Variants in CCDC7 observed in about 807,000 individuals in gnomAD.
CCDC7 encodes the protein coiled-coil domain containing 7.
A neutral mutation model predicts 196.9 loss-of-function variants in CCDC7; 183 were observed. That is an observed-to-expected ratio of 0.93 (90% confidence interval 0.82 to 1.05). The LOEUF is 1.05. CCDC7 is among the 50% of genes least tolerant of loss of function. CCDC7 has a pLI of 0.00. For synonymous variants in CCDC7, 525 were observed against 484.6 expected (o/e 1.08, Z -1.10); for missense variants, 1,540 against 1,482.2 (o/e 1.04, Z -0.64).
At chr10:32,584,126 G>A (rs2059003986) in intron 17 of CCDC7, 106 bp from the exon 19 acceptor site, 1 of 448,866 alleles carries the variant, frequency 2.2e-6, no homozygotes, top group East Asian at 3.9e-5. Context: ...GTAGATGAGA[G>A]CAAAAAGCTA....
At chr10:32,585,275 G>A (rs17585206) in intron 18 of CCDC7, among the ~76,000 whole-genome samples, 95 of 152,144 alleles carry the variant, frequency 6.2e-4, no homozygotes, top group African/African-American at 1.6e-3. Flanking sequence ...GGGTTTCACC[G>A]TGTTAGACAG....
chr10:32,623,341 G>A (rs934043097), intron 18 of CCDC7, among the ~76,000 whole-genome samples: 68 of 151,854 alleles, frequency 4.5e-4, no homozygotes, highest in African/African-American at 1.5e-3. Flanking sequence ...TTTTATTTTT[G>A]TATTTGATAT....
chr10:32,535,057 G>A (rs1448539211), intron 11 of CCDC7, among the ~76,000 whole-genome samples: 1 of 151,452 alleles, frequency 6.6e-6, no homozygotes, highest in African/African-American at 2.4e-5. Context: ...ATGTGAGGAG[G>A]GGCATCATGG....
intron 8 of CCDC7, among the ~76,000 whole-genome samples, chr10:32,477,360 G>A (rs1010843421): frequency 6.6e-6 from 1 of 151,872 alleles, no homozygotes; most frequent in Non-Finnish European, 1.5e-5. Flanking sequence ...GCGCCACCAC[G>A]CCCGGCTAAT....
intron 24 of CCDC7, among the ~76,000 whole-genome samples, chr10:32,698,030 C>T (rs1276144800): frequency 6.6e-6 from 1 of 152,202 alleles, no homozygotes; most frequent in African/African-American, 2.4e-5. Flanking sequence ...ATTTGCTGTT[C>T]TGCAGCCTCC....
intron 13 of CCDC7, among the ~76,000 whole-genome samples, chr10:32,562,759 C>T (rs2055976168): frequency 1.3e-5 from 2 of 152,086 alleles, no homozygotes; most frequent in East Asian, 1.9e-4. Flanking sequence ...TGCCCTCTCT[C>T]ACCACTCCTA....
chr10:32,551,980 T>C (rs1188734382), intron 13 of CCDC7, among the ~76,000 whole-genome samples: 1 of 152,168 alleles, frequency 6.6e-6, no homozygotes, highest in East Asian at 1.9e-4. Context: ...TGGCCTGTCT[T>C]GTACTGTCAG....
intron 13 of CCDC7, among the ~76,000 whole-genome samples, chr10:32,558,844 G>A (rs149514498): frequency 0.042 from 6,399 of 152,304 alleles, 136 homozygotes; most frequent in Middle Eastern, 0.065. Context: ...TGCACCATGC[G>A]TGAGCCGAAG....
chr10:32,780,597 A>G (rs2080891491), intron 29 of CCDC7, among the ~76,000 whole-genome samples: 1 of 152,134 alleles, frequency 6.6e-6, no homozygotes, highest in African/African-American at 2.4e-5. Flanking sequence ...GTTATATATT[A>G]TTTGCTTGGT....
chr10:32,697,608 A>T (rs2077932679), intron 24 of CCDC7, among the ~76,000 whole-genome samples: 1 of 152,196 alleles, frequency 6.6e-6, no homozygotes, highest in Admixed American at 6.5e-5. Context: ...GAGAGGTGGC[A>T]GCGAGGATGG....
chr10:32,845,834 T>A, intron 35 of CCDC7, 42 bp from the exon 37 acceptor site: 1 of 1,458,700 alleles, frequency 6.9e-7, no homozygotes, highest in Non-Finnish European at 9.6e-7. Flanking sequence ...TATGGTAATG[T>A]TTACCTTATA....
In CCDC7 at chr10:32,788,298, T is replaced by G. The variant is rs74991818; in HGVS notation, c.3013+9214T>G. On this transcript the variant is annotated intron_variant, in intron 29 of 41. Coordinates refer to ENST00000639629, the Ensembl canonical transcript of CCDC7. ...GCCCTAGCAGCTCCAGGCTTCAGACTGCCACCAGCACTATACCAGCCTCTG... is the reference window on the plus strand; with the variant it reads ...GCCCTAGCAGCTCCAGGCTTCAGACGGCCACCAGCACTATACCAGCCTCTG... Among the ~76,000 whole-genome samples the G allele has an allele frequency of 7.2e-3, 1,100 of 152,328 alleles. 17 individuals are homozygous for G. The highest frequency in any genetic ancestry group is 0.024 in the African/African-American group (979 of 41,570).
At chr10:32,857,275 T>C (rs1163638783) in intron 41 of CCDC7, among the ~76,000 whole-genome samples, 2 of 152,094 alleles carry the variant, frequency 1.3e-5, no homozygotes, top group East Asian at 1.9e-4. Flanking sequence ...AAATAGAACT[T>C]AATTAAACTA....
chr10:32,661,244 G>A (rs2071360002), intron 20 of CCDC7, among the ~76,000 whole-genome samples: 1 of 149,910 alleles, frequency 6.7e-6, no homozygotes, highest in Non-Finnish European at 1.5e-5. Flanking sequence ...CTGGCCATCA[G>A]AGAAATGCAA....
chr10:32,736,008 A>G (rs1246195900), intron 28 of CCDC7, among the ~76,000 whole-genome samples: 1 of 152,080 alleles, frequency 6.6e-6, no homozygotes, highest in Non-Finnish European at 1.5e-5. Flanking sequence ...CTTCTGTTCC[A>G]ATTGCTCTAT....
At chr10:32,861,912 A>T (rs2094001626) in intron 41 of CCDC7, among the ~76,000 whole-genome samples, 1 of 152,174 alleles carries the variant, frequency 6.6e-6, no homozygotes, top group Admixed American at 6.5e-5. Context: ...AAAGTCAGGA[A>T]ACAACAGATG....
intron 28 of CCDC7, among the ~76,000 whole-genome samples, chr10:32,767,685 T>A (rs544530982): frequency 6.6e-6 from 1 of 152,206 alleles, no homozygotes; most frequent in Non-Finnish European, 1.5e-5. Context: ...CATAAAGACC[T>A]AAACTTTTCA....
At chr10:32,480,460 T>TG (rs1180104284) in intron 8 of CCDC7, among the ~76,000 whole-genome samples, 1 of 152,198 alleles carries the variant, frequency 6.6e-6, no homozygotes, top group Non-Finnish European at 1.5e-5. Context: ...TAGCTGATAT[T>TG]GCAAGTGTGG....
intron 8 of CCDC7, among the ~76,000 whole-genome samples, chr10:32,483,292 G>A (rs1285946646): frequency 6.6e-6 from 1 of 152,214 alleles, no homozygotes; most frequent in Admixed American, 6.5e-5. Context: ...CTGCATAAAA[G>A]TCTTCTTTTG....
Sources: gnomAD v4.1 joint callset for allele counts (sites outside exome capture counted in the v4.1 genomes callset) on GRCh38, gnomAD v4.1.1 for gene constraint, MANE v1.5 for transcripts, NCBI Gene and HGNC (gene_info 2026-07-23, HGNC 2026-07-21) for gene names.